The following MAGI1 variants were observed in gnomAD, a reference collection of about 807,000 sequenced individuals.
MAGI1 encodes membrane-associated guanylate kinase, WW and PDZ domain-containing protein 1.
A neutral mutation model predicts 139.9 loss-of-function variants in MAGI1; 58 were observed. The ratio of observed to expected loss-of-function variants is 0.41; its 90% CI spans 0.34 to 0.52. The LOEUF is 0.52. Ranked by LOEUF, MAGI1 falls within the 20% of genes least tolerant of loss-of-function variation. MAGI1 has a pLI of 0.12. For missense variants in MAGI1, 1,874 were observed against 1,901.6 expected (o/e 0.99, Z 0.27); for synonymous variants, 812 against 737.9 (o/e 1.10, Z -1.63).
In MAGI1 at chr3:65,454,558, A is replaced by AATAATAATAATAAT. The variant is rs368786306; in HGVS notation, c.960-1219_960-1218insATTATTATTATTAT. Among the ~76,000 whole-genome samples the AATAATAATAATAAT allele has an allele frequency of 2.5e-3, 358 of 140,522 alleles. 1 individual carries two copies. The highest frequency in any genetic ancestry group is 0.011 in the Middle Eastern group (3 of 268). The allele number at this position is 140,522 out of a possible 152,430, so 92.2% of individuals were successfully genotyped here. A position where few individuals can be genotyped will look rare whatever the true frequency, so the allele number is the denominator to read the frequency against. On this transcript the variant is annotated intron_variant, in intron 5 of 22. Coordinates refer to ENST00000402939, the MANE Select transcript of MAGI1 (RefSeq NM_001033057.2). The stretch of plus-strand genomic sequence containing the variant: ...ATAATAATAATAATAATAATAATAA[A>AATAATAATAATAAT]AAAATACTTGTTTTACAAAAAAAAA...
chr3:66,000,916 T>C (rs1320952350), intron 1 of MAGI1, among the ~76,000 whole-genome samples: 1 of 152,216 alleles, frequency 6.6e-6, no homozygotes, highest in Non-Finnish European at 1.5e-5. Flanking sequence ...GTCATCCCAA[T>C]GACCCAGTGA....
chr3:65,539,532 G>T (rs915471268), intron 2 of MAGI1, among the ~76,000 whole-genome samples: 3 of 152,292 alleles, frequency 2.0e-5, no homozygotes, highest in Middle Eastern at 3.4e-3. Context: ...CAAAAAAGAT[G>T]CCTGTGTCCT....
Position 65,356,491 on chromosome 3 carries a change from G to A in MAGI1, c.4276C>T (p.His1426Tyr). Residue 1426 changes from histidine (H) to tyrosine (Y), a missense_variant, in exon 23 of 23, where the codon CAC becomes TAC. His to Tyr is a moderately conservative substitution (Grantham distance 83). Coordinates refer to ENST00000402939, the MANE Select transcript of MAGI1 (RefSeq NM_001033057.2). ...AGATTCGCCTCTTCCCTTTCTCGGT[G>A]GCTGGCTCTGTCCTCTCTGTTCCTT... ...DKRNREDRAS[H>Y]REREEANLKQ... The A allele has an allele frequency of 6.2e-7, 1 of 1,611,666 alleles. No individual in the cohort carries two copies. Among genetic ancestry groups the A allele is most frequent in the Non-Finnish European group, 8.5e-7 (1 of 1,179,978 alleles).
At chr3:65,426,657 C>T (rs1258502507) in intron 12 of MAGI1, among the ~76,000 whole-genome samples, 2 of 152,184 alleles carry the variant, frequency 1.3e-5, no homozygotes, top group South Asian at 2.1e-4. Flanking sequence ...CTTCTCATTA[C>T]ATCCCCACTA....
At chr3:65,913,942 C>T (rs2061779974) in intron 1 of MAGI1, 1 of 152,150 alleles carries the variant, frequency 6.6e-6, no homozygotes, top group Non-Finnish European at 1.5e-5. Context: ...AAAACACTCA[C>T]ATGGACCCAG....
intron 1 of MAGI1, among the ~76,000 whole-genome samples, chr3:65,781,381 T>G (rs1482076355): frequency 6.6e-6 from 1 of 152,154 alleles, no homozygotes; most frequent in Non-Finnish European, 1.5e-5. Context: ...AACATTTGAT[T>G]GTTTCATCTT....
intron 1 of MAGI1, among the ~76,000 whole-genome samples, chr3:65,773,852 G>A (rs2038158535): frequency 6.6e-6 from 1 of 152,030 alleles, no homozygotes; most frequent in Non-Finnish European, 1.5e-5. Flanking sequence ...TCGATATAAA[G>A]ATTAAAATTT....
At chr3:65,368,722 C>T (rs571791679) in intron 18 of MAGI1, among the ~76,000 whole-genome samples, 119 of 152,282 alleles carry the variant, frequency 7.8e-4, no homozygotes, top group African/African-American at 2.7e-3. Context: ...TTTTGGGGGA[C>T]TTTTTACTAT....
chr3:65,713,942 TAAC>T (rs1366777672), intron 1 of MAGI1, among the ~76,000 whole-genome samples: 1 of 152,028 alleles, frequency 6.6e-6, no homozygotes, highest in Non-Finnish European at 1.5e-5. Context: ...TAAAATAAAA[TAAC>T]ATTATTATAA....
intron 1 of MAGI1, among the ~76,000 whole-genome samples, chr3:65,767,391 G>A (rs1230149433): frequency 6.6e-6 from 1 of 151,668 alleles, no homozygotes; most frequent in Non-Finnish European, 1.5e-5. Flanking sequence ...GATCATTAGA[G>A]GCCAGGAGTT....
chr3:65,979,282 G>A (rs1324950893), intron 1 of MAGI1, among the ~76,000 whole-genome samples: 1 of 151,984 alleles, frequency 6.6e-6, no homozygotes, highest in Non-Finnish European at 1.5e-5. Context: ...ATCTTCAAAT[G>A]ATCACATTCC....
chr3:65,621,941 A>ACC, intron 2 of MAGI1, 31 bp downstream of exon 2: 1 of 1,444,608 alleles, frequency 6.9e-7, no homozygotes, highest in Non-Finnish European at 9.7e-7. Context: ...ACACACACAC[A>ACC]GCAGTGAGAT....
At chr3:65,909,545 A>C (rs369305547) in intron 1 of MAGI1, among the ~76,000 whole-genome samples, 1 of 151,888 alleles carries the variant, frequency 6.6e-6, no homozygotes, top group Admixed American at 6.6e-5. Flanking sequence ...AAAAAATAAT[A>C]ATTAGGCCAG....
intron 9 of MAGI1, 72 bp downstream of exon 9, chr3:65,439,807 C>A: frequency 1.3e-6 from 2 of 1,598,516 alleles, no homozygotes; most frequent in Non-Finnish European, 1.7e-6. Flanking sequence ...TCTGACCACA[C>A]GAGGGTGTCA....
At chr3:65,812,853 G>A (rs2041363850) in intron 1 of MAGI1, among the ~76,000 whole-genome samples, 1 of 151,286 alleles carries the variant, frequency 6.6e-6, no homozygotes, top group African/African-American at 2.4e-5. Context: ...GGGACTACAG[G>A]CATGCACCAC....
At chr3:65,804,423 T>C (rs1234769869) in intron 1 of MAGI1, among the ~76,000 whole-genome samples, 2 of 151,712 alleles carry the variant, frequency 1.3e-5, no homozygotes, top group Non-Finnish European at 2.9e-5. Flanking sequence ...TAAATATTGA[T>C]ATGAATTGAT....
chr3:65,383,288 G>A (rs1222179321), intron 15 of MAGI1, among the ~76,000 whole-genome samples: 1 of 152,112 alleles, frequency 6.6e-6, no homozygotes, highest in African/African-American at 2.4e-5. Context: ...GAAAAGGGGT[G>A]GTCTACAGAG....
chr3:65,469,030 A>G (rs2107575185), intron 5 of MAGI1, among the ~76,000 whole-genome samples: 1 of 152,160 alleles, frequency 6.6e-6, no homozygotes, highest in East Asian at 1.9e-4. Context: ...AAAATTCACA[A>G]CGCATATCAA....
intron 1 of MAGI1, among the ~76,000 whole-genome samples, chr3:66,024,758 A>T (rs1350630546): frequency 1.6e-4 from 25 of 152,170 alleles, no homozygotes; most frequent in Non-Finnish European, 1.2e-4. Flanking sequence ...GTGAGCCAAG[A>T]TCGCATCATT....
Sources: gnomAD v4.1 joint callset for allele counts (sites outside exome capture counted in the v4.1 genomes callset) on GRCh38, gnomAD v4.1.1 for gene constraint, MANE v1.5 for transcripts, NCBI Gene and HGNC (gene_info 2026-07-23, HGNC 2026-07-21) for gene names.